The following KCNG2 variants were observed in gnomAD, a reference collection of about 807,000 sequenced individuals.
The protein encoded by KCNG2 is voltage-gated potassium channel regulatory subunit KCNG2.
A neutral mutation model predicts 12.3 loss-of-function variants in KCNG2; 7 were observed. That is an observed-to-expected ratio of 0.57 (90% CI 0.32 to 1.07). The LOEUF is 1.07. Among genes scored for constraint, KCNG2 ranks in the 50% least tolerant of loss-of-function variants. KCNG2 has a pLI of 0.04. For missense variants in KCNG2, 703 were observed against 726.0 expected (o/e 0.97, Z 0.36); for synonymous variants, 414 against 351.4 (o/e 1.18, Z -1.99).
intron 1 of KCNG2, among the ~76,000 whole-genome samples, chr18:79,827,536 G>T (rs1978287035): frequency 6.6e-6 from 1 of 152,224 alleles, no homozygotes; most frequent in South Asian, 2.1e-4. Flanking sequence ...CCAGCAGCCT[G>T]TGTTCCTGGA....
rs533044046 is a variant in KCNG2 at position 79,867,010 on chromosome 18, G to A, written c.624+2719G>A. On this transcript the variant is annotated intron_variant, in intron 3 of 3. Transcript: ENST00000316249. ...GTGCTGAGAGGTCTGTGTGCTGAGA[G>A]GTCTGTGTGCTGAGAGGTCTGGGTG... Among the ~76,000 whole-genome samples, 14 of 134,964 alleles carry A rather than the reference G, an allele frequency of 1.0e-4. 1 individual carries two copies. In the East Asian group the frequency reaches 3.1e-3, roughly 30 times the overall value. The allele number at this position is 134,964 out of a possible 152,430, so 88.5% of individuals were successfully genotyped here.
At chr18:79,891,505 A>C (rs1306043015) in intron 3 of KCNG2, among the ~76,000 whole-genome samples, 2 of 152,192 alleles carry the variant, frequency 1.3e-5, no homozygotes, top group African/African-American at 4.8e-5. Context: ...TGCTGGAGTT[A>C]CAGGCATGAG....
intron 3 of KCNG2, among the ~76,000 whole-genome samples, chr18:79,897,088 A>G (rs1022121170): frequency 2.0e-5 from 3 of 151,890 alleles, no homozygotes; most frequent in Non-Finnish European, 4.4e-5. Flanking sequence ...CTGGGAGTTC[A>G]TTGAGCTTCC....
In KCNG2 at chr18:79,899,236, C is replaced by A. The variant is rs755780837; in HGVS notation, c.821C>A (p.Pro274Gln). 5 of 1,598,032 alleles carry A rather than the reference C, an allele frequency of 3.1e-6. No homozygotes were observed. Among genetic ancestry groups the A allele is most frequent in the Admixed American group, 1.7e-5 (1 of 59,710 alleles). Residue 274 changes from proline (P) to glutamine (Q), a missense_variant, in exon 4 of 4, where the codon CCG becomes CAG. Transcript: ENST00000316249. The part of the protein sequence containing the change: ...VSLLLGLAAG[P>Q]GGTKLLERAG... ...CTGCTGCTGGGGCTGGCGGCAGGCC[C>A]GGGCGGGACCAAGCTCCTGGAGCGC... is the stretch of plus-strand genomic sequence containing the variant.
In KCNG2 at chr18:79,899,855, A is replaced by G. The variant is rs1024714761; in HGVS notation, c.*39A>G. The G allele has an allele frequency of 8.4e-6, 11 of 1,303,232 alleles. No homozygotes were observed. The highest frequency in any genetic ancestry group is 7.7e-5 in the African/African-American group (5 of 64,594). The allele number at this position is 1,303,232 out of a possible 1,614,324, so 80.7% of individuals were successfully genotyped here. On this transcript the variant is annotated 3_prime_UTR_variant, in exon 4 of 4. Coordinates refer to ENST00000316249, the MANE Select transcript of KCNG2 (RefSeq NM_012283.2). The stretch of plus-strand genomic sequence containing the variant: ...CACACGGAGACCCCCTGCCCCCTCC[A>G]GCTGCAGCGTCGGGACCCCCGAGGT...
chr18:79,802,741 T>TC (rs60284162), intron 1 of KCNG2, among the ~76,000 whole-genome samples: 10 of 150,940 alleles, frequency 6.6e-5, no homozygotes, highest in African/African-American at 2.4e-4. Context: ...TTTTTTTTTT[T>TC]CCTGTTCTTT....
At chr18:79,897,128 TTG>T (rs1296001536) in intron 3 of KCNG2, among the ~76,000 whole-genome samples, 3 of 44,198 alleles carry the variant, frequency 6.8e-5, no homozygotes, top group Non-Finnish European at 1.4e-4. Context: ...TTTTAAAAAA[TTG>T]TTTTTTTTTT....
chr18:79,885,108 C>T lies in KCNG2; in HGVS notation c.625-13932C>T, dbSNP rs566026526. Among the ~76,000 whole-genome samples, 4 of 152,308 alleles carry T rather than the reference C, an allele frequency of 2.6e-5. No homozygotes were observed. The South Asian group carries it at 8.3e-4, about 32-fold the overall frequency. The stretch of plus-strand genomic sequence containing the variant: ...GCAGAAGCTGCCAGGAGAGCCTGCT[C>T]AGAGCACAGAACATCGTGGAGCAGC... On this transcript the variant is annotated intron_variant, in intron 3 of 3. Coordinates refer to ENST00000316249, the MANE Select transcript of KCNG2 (RefSeq NM_012283.2).
chr18:79,873,221 C>T (rs921303811), intron 3 of KCNG2, among the ~76,000 whole-genome samples: 7 of 152,342 alleles, frequency 4.6e-5, no homozygotes, highest in African/African-American at 1.4e-4. Context: ...CTCCACCCAG[C>T]GTTTCTCGCC....
At chr18:79,821,472 T>G (rs976889238) in intron 1 of KCNG2, among the ~76,000 whole-genome samples, 2 of 152,068 alleles carry the variant, frequency 1.3e-5, no homozygotes, top group African/African-American at 4.8e-5. Flanking sequence ...GTATTTTTAG[T>G]AGAGACGGGG....
chr18:79,802,243 C>T (rs2087415047), intron 1 of KCNG2, among the ~76,000 whole-genome samples: 3 of 152,344 alleles, frequency 2.0e-5, no homozygotes. Flanking sequence ...CACCTTTTCT[C>T]TACGGTTTAG....
chr18:79,828,467 C>A (rs528249769), intron 1 of KCNG2, among the ~76,000 whole-genome samples: 1 of 149,880 alleles, frequency 6.7e-6, no homozygotes, highest in Admixed American at 6.6e-5. Context: ...AAATGTGTGT[C>A]TGTGTGTGCA....
intron 1 of KCNG2, among the ~76,000 whole-genome samples, chr18:79,842,755 CA>C (rs1235400457): frequency 1.3e-5 from 2 of 152,148 alleles, no homozygotes; most frequent in Non-Finnish European, 2.9e-5. Context: ...ACAGTAGACT[CA>C]ATTAAGCAGA....
At position 79,827,072 on chromosome 18, in the gene KCNG2, C is replaced by T. The variant is rs138186353; in HGVS notation, c.-115+29058C>T. Among the ~76,000 whole-genome samples, 614 of 152,336 alleles carry T rather than the reference C, an allele frequency of 4.0e-3. 6 individuals are homozygous for T. The highest frequency in any genetic ancestry group is 0.014 in the African/African-American group (588 of 41,578). Reference sequence around the variant, plus strand: ...GTGGCGTCCCCGGCGATGCAGGGGCCGGGCCGCGCCAGCCTCTGTTGCTCC... The same window carrying T: ...GTGGCGTCCCCGGCGATGCAGGGGCTGGGCCGCGCCAGCCTCTGTTGCTCC... On this transcript the variant is annotated intron_variant, in intron 1 of 3. Coordinates refer to ENST00000316249, the MANE Select transcript of KCNG2 (RefSeq NM_012283.2).
At chr18:79,824,678 C>A (rs1472317553) in intron 1 of KCNG2, among the ~76,000 whole-genome samples, 1 of 152,128 alleles carries the variant, frequency 6.6e-6, no homozygotes, top group Non-Finnish European at 1.5e-5. Context: ...CATCAACGCC[C>A]TGAGTATTCA....
chr18:79,850,461 C>T (rs1978779367), intron 1 of KCNG2, among the ~76,000 whole-genome samples: 1 of 152,166 alleles, frequency 6.6e-6, no homozygotes, highest in Non-Finnish European at 1.5e-5. Flanking sequence ...ATGTTTTATT[C>T]AGAGTTCCTA....
chr18:79,861,807 T>A lies in KCNG2; in HGVS notation c.-40-1821T>A, dbSNP rs371801160. 7.9e-5 allele frequency among the ~76,000 whole-genome samples: 12 copies of A among 152,372 alleles called. No individual in the cohort carries two copies. In the East Asian group the frequency reaches 2.1e-3, roughly 27 times the overall value. ...ATGGTCCCACAGGTCTCTTAGGCTC[T>A]GTTCCGTTTTCTTCACTTGTTTTCT... On this transcript the variant is annotated intron_variant, in intron 2 of 3. Coordinates refer to ENST00000316249, the MANE Select transcript of KCNG2 (RefSeq NM_012283.2).
intron 1 of KCNG2, among the ~76,000 whole-genome samples, chr18:79,848,408 G>A (rs1181874357): frequency 6.6e-6 from 1 of 152,150 alleles, no homozygotes; most frequent in Non-Finnish European, 1.5e-5. Flanking sequence ...CTGCGTTGCC[G>A]CTCGGGCTCC....
intron 3 of KCNG2, among the ~76,000 whole-genome samples, chr18:79,892,247 T>C (rs1568273491): frequency 6.6e-6 from 1 of 152,258 alleles, no homozygotes; most frequent in Non-Finnish European, 1.5e-5. Context: ...GGTGCATACA[T>C]TTTACTTGTT....
Sources: gnomAD v4.1 joint callset for allele counts (sites outside exome capture counted in the v4.1 genomes callset) on GRCh38, gnomAD v4.1.1 for gene constraint, MANE v1.5 for transcripts, NCBI Gene and HGNC (gene_info 2026-07-23, HGNC 2026-07-21) for gene names.